Variants in FAAH2 observed in about 807,000 individuals in gnomAD.
The protein encoded by FAAH2 is fatty-acid amide hydrolase 2.
Under a neutral mutation model 36.9 loss-of-function variants are expected in FAAH2, and 60 were observed. The observed-to-expected ratio is 1.63, with a 90% CI of 1.32 to 2.02. The LOEUF is 2.02. FAAH2 is among the 30% of genes most tolerant of loss of function. The pLI is 0.00. For synonymous variants in FAAH2, 214 were observed against 143.8 expected (o/e 1.49, Z -3.49); for missense variants, 689 against 397.5 (o/e 1.73, Z -6.23).
the FAAH2 span, chrX:57,229,274 AG>A: frequency 8.9e-6 from 1 of 111,775 alleles, no homozygotes; most frequent in Non-Finnish European, 1.9e-5. Context: ...AGAGTGAAAA[AG>A]AGGATGAAGA....
intron 10 of FAAH2, among the ~76,000 whole-genome samples, chrX:57,479,401 G>T (rs113280007): frequency 0.054 from 5,948 of 110,990 alleles, 196 homozygotes; most frequent in Admixed American, 0.083. Flanking sequence ...TGAGACAATG[G>T]GGTTTTCTAG....
chrX:57,127,345 G>T, the FAAH2 span: 1 of 110,944 alleles, frequency 9.0e-6, no homozygotes, highest in Non-Finnish European at 1.9e-5. Flanking sequence ...AGGTAAAAAG[G>T]CATCATTCTA....
Position 57,341,360 on chromosome X carries a change from A to T in FAAH2, c.712A>T (p.Asn238Tyr). The T allele has an allele frequency of 1.7e-6, 2 of 1,210,520 alleles. No individual in the cohort carries two copies. The highest frequency in any genetic ancestry group is 1.8e-5 in the South Asian group (1 of 56,866). The stretch of plus-strand genomic sequence containing the variant: ...TAGCATTCGAATGCCTGCTTTCTTC[A>T]ATGGTATATTTGGACACAAGCCTTC... ...GGSIRMPAFF[N>Y]GIFGHKPSPG... Residue 238 changes from asparagine (N) to tyrosine (Y), a missense_variant, in exon 5 of 11, where the codon AAT (asparagine) becomes TAT (tyrosine). Coordinates refer to ENST00000374900, the MANE Select transcript of FAAH2 (RefSeq NM_174912.4).
chrX:57,365,122 C>T (rs1406138333), intron 5 of FAAH2, among the ~76,000 whole-genome samples: 1 of 111,325 alleles, frequency 9.0e-6, no homozygotes, highest in East Asian at 2.8e-4. Flanking sequence ...ATCTGTGTAA[C>T]TTGTCAATGG....
At chrX:57,419,575 T>C (rs1309748690) in intron 7 of FAAH2, among the ~76,000 whole-genome samples, 1 of 111,928 alleles carries the variant, frequency 8.9e-6, no homozygotes, top group Non-Finnish European at 1.9e-5. Flanking sequence ...GTTTGTTTTT[T>C]TCTTGTAAAT....
intron 7 of FAAH2, among the ~76,000 whole-genome samples, chrX:57,398,051 T>C (rs2055347101): frequency 8.9e-6 from 1 of 111,883 alleles, no homozygotes; most frequent in African/African-American, 3.3e-5. Context: ...TATGGCTGCA[T>C]AGTATTCCAT....
rs530009041 is a variant in FAAH2 at position 57,377,808 on chromosome X, C to T, written c.743-843C>T. Among the ~76,000 whole-genome samples the T allele has an allele frequency of 3.8e-4, 43 of 112,258 alleles. No homozygotes were observed. The South Asian group carries it at 0.016, about 42-fold the overall frequency. Reference sequence around the variant, plus strand: ...ATGTTTTTCCACTTGTTTGTGTCCTCTCTTATTTCCTTGAGCAGTGGTTTG... The same window carrying T: ...ATGTTTTTCCACTTGTTTGTGTCCTTTCTTATTTCCTTGAGCAGTGGTTTG... On this transcript the variant is annotated intron_variant, in intron 5 of 10. Transcript: ENST00000374900.
intron 5 of FAAH2, among the ~76,000 whole-genome samples, chrX:57,345,998 G>A (rs1602348760): frequency 9.0e-6 from 1 of 111,297 alleles, no homozygotes; most frequent in African/African-American, 3.3e-5. Context: ...TGTTTGGTAT[G>A]ATTTAAATTT....
chrX:57,174,108 T>C, the FAAH2 span, among the ~76,000 whole-genome samples: 1 of 111,623 alleles, frequency 9.0e-6, no homozygotes, highest in African/African-American at 3.2e-5. Context: ...TATTTAAGAT[T>C]CTTCTCAATC....
chrX:57,247,693 A>C, the FAAH2 span, among the ~76,000 whole-genome samples: 36 of 112,044 alleles, frequency 3.2e-4, no homozygotes, highest in African/African-American at 1.1e-3. Context: ...GGGAGAAGTA[A>C]AAGACCAGGA....
At chrX:57,385,061 A>G (rs1289413664) in intron 7 of FAAH2, among the ~76,000 whole-genome samples, 1 of 110,441 alleles carries the variant, frequency 9.1e-6, no homozygotes, top group Non-Finnish European at 1.9e-5. Context: ...GTTTTCACTC[A>G]TAGGTGGGAA....
rs2056312486 is a variant in FAAH2 at position 57,431,944 on chromosome X, A to G, written c.1023A>G (p.Leu341=). ...KKVVVHLETI[L]GASVQHVKLK... is the part of the protein sequence containing the mutation. ...TTGTGGTTCACCTTGAAACTATTCT[A>G]GGAGCCTCAGTTCAACATGTTAAAC... The change falls in exon 8 of 11, where the codon CTA becomes CTG. Residue 341 remains leucine (L), a synonymous_variant. Coordinates refer to ENST00000374900, the MANE Select transcript of FAAH2 (RefSeq NM_174912.4). 1.7e-6 allele frequency: 2 copies of G among 1,199,806 alleles called. No homozygotes were observed. The highest frequency in any genetic ancestry group is 3.0e-5 in the East Asian group (1 of 33,524).
At chrX:57,480,031 C>T (rs867738554) in intron 10 of FAAH2, among the ~76,000 whole-genome samples, 10 of 111,404 alleles carry the variant, frequency 9.0e-5, no homozygotes, top group African/African-American at 2.9e-4. Context: ...ATAAATTCCT[C>T]GACACATACA....
chrX:57,149,931 A>T, the FAAH2 span, among the ~76,000 whole-genome samples: 1 of 111,536 alleles, frequency 9.0e-6, no homozygotes, highest in African/African-American at 3.3e-5. Context: ...ACTGCTTTAA[A>T]TGTGTCCCAG....
At chrX:57,320,299 A>G (rs1197368875) in intron 3 of FAAH2, among the ~76,000 whole-genome samples, 1 of 112,315 alleles carries the variant, frequency 8.9e-6, no homozygotes, top group Non-Finnish European at 1.9e-5. Context: ...CAGAATCTAC[A>G]AGAAACTTAA....
the FAAH2 span, among the ~76,000 whole-genome samples, chrX:57,272,019 C>T: frequency 2.8e-5 from 3 of 108,688 alleles, no homozygotes; most frequent in Non-Finnish European, 3.8e-5. Context: ...AAAGGTTAGC[C>T]GAATTGCTAA....
intron 10 of FAAH2, among the ~76,000 whole-genome samples, chrX:57,478,671 G>T (rs1482828668): frequency 9.0e-6 from 1 of 111,702 alleles, no homozygotes; most frequent in East Asian, 2.8e-4. Flanking sequence ...TGTATAAGGT[G>T]TAAGGAAGGG....
At chrX:57,421,728 C>G (rs1023272669) in intron 7 of FAAH2, among the ~76,000 whole-genome samples, 2 of 111,647 alleles carry the variant, frequency 1.8e-5, no homozygotes, top group African/African-American at 6.5e-5. Context: ...CAATCCAGTC[C>G]GTAGGAGTGA....
chrX:57,383,989 G>A (rs1394741408), intron 7 of FAAH2, among the ~76,000 whole-genome samples: 1 of 111,441 alleles, frequency 9.0e-6, no homozygotes, highest in African/African-American at 3.3e-5. Flanking sequence ...TAGCCCAATG[G>A]AACAGAACAG....
Sources: allele counts gnomAD v4.1 joint callset (sites outside exome capture counted in the v4.1 genomes callset), GRCh38; gene constraint gnomAD v4.1.1; transcripts MANE v1.5; gene names NCBI Gene and HGNC (gene_info 2026-07-23, HGNC 2026-07-21).